The following CNTNAP4 variants were observed in gnomAD, a reference collection of about 807,000 sequenced individuals.
CNTNAP4 encodes contactin associated protein family member 4.
A neutral mutation model predicts 148.4 loss-of-function variants in CNTNAP4; 98 were observed. The ratio of observed to expected loss-of-function variants is 0.66; its 90% confidence interval spans 0.56 to 0.78. The LOEUF (loss-of-function observed/expected upper bound fraction) is 0.78, where lower values mean the gene tolerates loss of function less well. CNTNAP4 is among the 30% of genes least tolerant of loss of function. The pLI, the probability that CNTNAP4 is intolerant of heterozygous loss-of-function variation, is 0.00. For missense variants in CNTNAP4, 1,935 were observed against 1,565.6 expected (o/e 1.24, Z -3.98); for synonymous variants, 730 against 565.1 (o/e 1.29, Z -4.14).
chr16:76,386,632 A>G (rs1176816630), intron 3 of CNTNAP4, among the ~76,000 whole-genome samples: 1 of 152,220 alleles, frequency 6.6e-6, no homozygotes, highest in Non-Finnish European at 1.5e-5. Context: ...ATACTTAGGC[A>G]CAATAAGTGA....
At position 76,558,637 on chromosome 16, in the gene CNTNAP4, A is replaced by T; in HGVS notation, c.3881A>T (p.Asn1294Ile). ...SAEAVLKSEL[N>I]IQNAVNENQK... ...GAGGCTGTTCTGAAAAGTGAGCTTA[A>T]TATACAAAATGCAGTCAATGAAAAT... The change falls in exon 24 of 24, where the codon AAT becomes ATT. Residue 1294 changes from asparagine to isoleucine, a missense_variant. Physicochemically the swap from Asn to Ile is moderately radical, Grantham distance 149 (BLOSUM62 -3). Transcript: ENST00000611870. 1 of 1,612,470 alleles carries T rather than the reference A, an allele frequency of 6.2e-7. No homozygotes were observed.
At chr16:76,456,629 A>G (rs1015671444) in intron 8 of CNTNAP4, among the ~76,000 whole-genome samples, 5 of 148,906 alleles carry the variant, frequency 3.4e-5, no homozygotes, top group Non-Finnish European at 6.0e-5. Context: ...CAACAGAAGA[A>G]CACCAAAGCC....
chr16:76,312,738 T>A (rs1961271332), intron 1 of CNTNAP4, among the ~76,000 whole-genome samples: 1 of 152,176 alleles, frequency 6.6e-6, no homozygotes, highest in South Asian at 2.1e-4. Flanking sequence ...CAACTCACGT[T>A]ATAGATACGG....
chr16:76,353,917 A>G (rs2012210956), intron 2 of CNTNAP4, among the ~76,000 whole-genome samples: 1 of 152,190 alleles, frequency 6.6e-6, no homozygotes, highest in Non-Finnish European at 1.5e-5. Context: ...AACAGCAAAC[A>G]TTTATTGAGC....
Position 76,449,867 on chromosome 16 carries a change from CT to C in CNTNAP4, c.1071+12del. On this transcript the variant is annotated intron_variant, in intron 7 of 23. Coordinates refer to ENST00000611870, the MANE Select transcript of CNTNAP4 (RefSeq NM_033401.5). Reference sequence around the variant, plus strand: ...CACAGATCATTGCTATGGTGAGAGTCTTTATGCGAAGACATTAGTAAAACTA... The same window carrying C: ...CACAGATCATTGCTATGGTGAGAGTCTTATGCGAAGACATTAGTAAAACTA... The C allele has an allele frequency of 6.3e-7, 1 of 1,593,536 alleles. No individual in the cohort carries two copies. The highest frequency in any genetic ancestry group is 1.3e-5 in the African/African-American group (1 of 74,082).
At position 76,507,686 on chromosome 16, in the gene CNTNAP4, A is replaced by G. The variant is rs1403498882; in HGVS notation, c.2365+8992A>G. Among the ~76,000 whole-genome samples, 24 of 98,038 alleles carry G rather than the reference A, an allele frequency of 2.4e-4. 2 individuals carry two copies. Among genetic ancestry groups the G allele is most frequent in the African/African-American group, 5.6e-4 (22 of 39,018 alleles). 64.3% of individuals were successfully genotyped at this position (98,038 alleles called of 152,430 possible). ...ATGGTGCTGACATAGGGCCTGCCCA[A>G]GTGTTCTAACTGTAGTTGCAGTATG... On this transcript the variant is annotated intron_variant, in intron 15 of 23. Transcript: ENST00000611870.
intron 1 of CNTNAP4, among the ~76,000 whole-genome samples, chr16:76,289,815 C>T (rs1043251824): frequency 1.6e-4 from 24 of 152,258 alleles, no homozygotes; most frequent in African/African-American, 5.5e-4. Flanking sequence ...AAGTGATCCA[C>T]CCGCCTCAGC....
chr16:76,527,637 T>C (rs559974606), intron 17 of CNTNAP4, among the ~76,000 whole-genome samples: 1 of 152,248 alleles, frequency 6.6e-6, no homozygotes, highest in South Asian at 2.1e-4. Flanking sequence ...CTGATGGTAA[T>C]AATAATAATG....
Position 76,452,617 on chromosome 16 carries a change from C to T in CNTNAP4, c.1181C>T (p.Ala394Val). 1 of 1,613,942 alleles carries T rather than the reference C, an allele frequency of 6.2e-7. No individual in the cohort carries two copies. The highest frequency in any genetic ancestry group is 8.5e-7 in the Non-Finnish European group (1 of 1,179,882). Residue 394 changes from alanine (A) to valine (V), a missense_variant, in exon 8 of 24, where the codon GCC (alanine) becomes GTC (valine). Transcript: ENST00000611870. ...TTCTCTGGAGAGGAGGAGGTTTCTG[C>T]CACTTTTCAATTTCGAACTTGGAAT... ...PDFSGEEEVS[A>V]TFQFRTWNKA...
chr16:76,303,908 A>G (rs571254110), intron 1 of CNTNAP4, among the ~76,000 whole-genome samples: 1 of 152,220 alleles, frequency 6.6e-6, no homozygotes, highest in South Asian at 2.1e-4. Flanking sequence ...ACGAATGTTG[A>G]ATGCTGATTT....
chr16:76,449,040 C>G, intron 6 of CNTNAP4, 89 bp downstream of exon 6: 1 of 1,218,812 alleles, frequency 8.2e-7, no homozygotes, highest in South Asian at 1.4e-5. Flanking sequence ...AAGAGCCCAC[C>G]TTTTCAGTAA....
intron 1 of CNTNAP4, among the ~76,000 whole-genome samples, chr16:76,307,791 A>G (rs1329053020): frequency 1.3e-5 from 2 of 152,160 alleles, no homozygotes; most frequent in African/African-American, 2.4e-5. Context: ...TCTAAAATCA[A>G]TCAGCCCCTG....
intron 17 of CNTNAP4, among the ~76,000 whole-genome samples, chr16:76,530,824 T>C (rs1421416848): frequency 6.6e-6 from 1 of 152,236 alleles, no homozygotes; most frequent in African/African-American, 2.4e-5. Context: ...CCAGATTCCC[T>C]ACCTTCTATG....
chr16:76,317,278 C>CAA (rs11355823), intron 2 of CNTNAP4, among the ~76,000 whole-genome samples: 2 of 117,858 alleles, frequency 1.7e-5, no homozygotes, highest in Non-Finnish European at 3.4e-5. Context: ...AAAAAAAAAC[C>CAA]AAAAAAAAAA....
In CNTNAP4 at chr16:76,522,727, T is replaced by TC. The variant is rs1568497962; in HGVS notation, c.2755+470_2755+471insC. 1.9e-3 allele frequency among the ~76,000 whole-genome samples: 168 copies of TC among 87,876 alleles called. 6 individuals are homozygous for TC. Among genetic ancestry groups the TC allele is most frequent in the African/African-American group, 3.8e-3 (72 of 18,804 alleles). The allele number at this position is 87,876 out of a possible 152,430, so 57.7% of individuals were successfully genotyped here. On this transcript the variant is annotated intron_variant, in intron 17 of 23. Coordinates refer to ENST00000611870, the MANE Select transcript of CNTNAP4 (RefSeq NM_033401.5). ...TTTTCTTTTCTTTTCTTTTCTTTTC[T>TC]TTTCTTTTCTTTTCTTTTCTTTTCT... is the stretch of plus-strand genomic sequence containing the variant.
At chr16:76,518,859 T>C (rs1452954031) in intron 15 of CNTNAP4, among the ~76,000 whole-genome samples, 1 of 152,174 alleles carries the variant, frequency 6.6e-6, no homozygotes, top group African/African-American at 2.4e-5. Context: ...CCCTCCGCCA[T>C]TTCCTGCCTC....
intron 1 of CNTNAP4, among the ~76,000 whole-genome samples, chr16:76,315,518 A>G (rs1232539353): frequency 2.0e-5 from 3 of 152,192 alleles, no homozygotes; most frequent in Non-Finnish European, 2.9e-5. Flanking sequence ...ATGTCCATAA[A>G]CTAGTATCCT....
Position 76,553,352 on chromosome 16 carries a change from T to G in CNTNAP4, c.3512T>G (p.Val1171Gly), listed in dbSNP as rs2085042819. 6.2e-7 allele frequency: 1 copy of G among 1,612,864 alleles called. No homozygotes were observed. The highest frequency in any genetic ancestry group is 8.5e-7 in the Non-Finnish European group (1 of 1,179,466). Residue 1171 changes from valine to glycine, a missense_variant, in exon 22 of 24, where the codon GTG becomes GGG. Physicochemically the swap from Val to Gly is moderately radical, Grantham distance 109. Coordinates refer to ENST00000611870, the MANE Select transcript of CNTNAP4 (RefSeq NM_033401.5). ...AQGFTGCLSAVQLSHVAPLKA... is the reference protein window; with the variant it reads ...AQGFTGCLSAGQLSHVAPLKA... ...GGCTTCACAGGCTGCCTCTCTGCAG[T>G]GCAGCTCAGCCACGTGGCCCCTCTG...
intron 1 of CNTNAP4, chr16:76,309,759 G>C (rs922757744): frequency 1.7e-4 from 114 of 676,364 alleles, no homozygotes; most frequent in South Asian, 6.2e-5. Context: ...GGGCGGAGGG[G>C]GTGGTCCGGG....
Sources: gnomAD v4.1 joint callset for allele counts (sites outside exome capture counted in the v4.1 genomes callset) on GRCh38, gnomAD v4.1.1 for gene constraint, MANE v1.5 for transcripts, NCBI Gene and HGNC (gene_info 2026-07-23, HGNC 2026-07-21) for gene names.